MYBL2: variants seen among roughly 807,000 people sequenced by gnomAD.
The protein encoded by MYBL2 is MYB proto-oncogene like 2, also known as myb-related protein B.
A neutral mutation model predicts 79.9 loss-of-function variants in MYBL2; 28 were observed. That is an observed-to-expected ratio of 0.35 (90% CI 0.26 to 0.48). The LOEUF (loss-of-function observed/expected upper bound fraction) is 0.48, where lower values mean the gene tolerates loss of function less well. Among genes scored for constraint, MYBL2 ranks in the 20% least tolerant of loss-of-function variants. The pLI is 0.99. For synonymous variants in MYBL2, 378 were observed against 361.2 expected, an observed-to-expected ratio of 1.05 and a Z score of -0.53; for missense variants, 735 against 893.9, an observed-to-expected ratio of 0.82 and a Z score of 2.27.
intron 4 of MYBL2, among the ~76,000 whole-genome samples, chr20:43,684,070 A>G (rs930214292): frequency 2.6e-5 from 4 of 151,864 alleles, no homozygotes; most frequent in Non-Finnish European, 5.9e-5. Flanking sequence ...CTGGTGCCAC[A>G]TGTGCCACCA....
intron 1 of MYBL2, among the ~76,000 whole-genome samples, chr20:43,670,960 CTTTTTTT>C (rs766959084): frequency 7.6e-5 from 11 of 144,576 alleles, no homozygotes; most frequent in African/African-American, 2.1e-4. Context: ...CCTATGATTT[CTTTTTTT>C]TCTTTTTTTT....
rs747787753 is a variant in MYBL2, at chr20:43,711,612, T to TA, written c.1719+12dup. Reference sequence around the variant, plus strand: ...AAGAGGAAGCCTGGGGTGAGTAGGGTAGGGGTGGGAGAGCCTGGGCAGGGG... The same window carrying TA: ...AAGAGGAAGCCTGGGGTGAGTAGGGTAAGGGGTGGGAGAGCCTGGGCAGGGG... On this transcript the variant is annotated intron_variant, in intron 11 of 13. Transcript: ENST00000217026. 22 of 1,601,906 alleles carry TA rather than the reference T, an allele frequency of 1.4e-5. No homozygotes were observed. Among genetic ancestry groups the TA allele is most frequent in the South Asian group, 1.1e-4 (10 of 89,560 alleles).
rs141053115 is a variant in MYBL2, at chr20:43,687,046, C to T, written c.474C>T (p.Ala158=). Residue 158 remains alanine (A), a synonymous_variant, in exon 5 of 14, where the codon GCC becomes GCT. Transcript: ENST00000217026. The stretch of plus-strand genomic sequence containing the variant: ...ACAAGGTGCTGGGCAACCGCTGGGC[C>T]GAGATCGCCAAGATGTTGCCAGGGA... ...EAHKVLGNRW[A]EIAKMLPGRT... is the part of the protein sequence containing the mutation. The T allele has an allele frequency of 2.7e-4, 434 of 1,613,230 alleles. No homozygotes were observed. Among genetic ancestry groups the T allele is most frequent in the Middle Eastern group, 3.7e-4 (2 of 5,398 alleles).
At chr20:43,707,687 G>A (rs1466113050) in intron 9 of MYBL2, among the ~76,000 whole-genome samples, 1 of 152,066 alleles carries the variant, frequency 6.6e-6, no homozygotes, top group East Asian at 1.9e-4. Flanking sequence ...TAATCCAGCT[G>A]TTATTCCTTT....
intron 12 of MYBL2, among the ~76,000 whole-genome samples, chr20:43,714,697 G>A (rs572155506): frequency 2.6e-5 from 4 of 151,812 alleles, no homozygotes; most frequent in Non-Finnish European, 5.9e-5. Flanking sequence ...GTGCAATCTC[G>A]GCTCACTGCA....
At chr20:43,702,092 A>C (rs889541713) in intron 7 of MYBL2, among the ~76,000 whole-genome samples, 6 of 152,196 alleles carry the variant, frequency 3.9e-5, no homozygotes, top group East Asian at 1.9e-4. Context: ...GCACCACTGC[A>C]CTACAGCCTG....
intron 2 of MYBL2, among the ~76,000 whole-genome samples, chr20:43,676,352 T>C (rs1255615032): frequency 6.6e-6 from 1 of 151,858 alleles, no homozygotes; most frequent in African/African-American, 2.4e-5. Context: ...CTCTTACTTA[T>C]AGATGAGAAT....
chr20:43,705,268 C>T lies in MYBL2; in HGVS notation c.1415C>T (p.Ser472Leu). The T allele has an allele frequency of 2.5e-6, 4 of 1,614,066 alleles. No individual in the cohort carries two copies. Among genetic ancestry groups the T allele is most frequent in the Non-Finnish European group, 2.5e-6 (3 of 1,179,984 alleles). Residue 472 changes from serine to leucine, a missense_variant, in exon 9 of 14, where the codon TCG (serine) becomes TTG (leucine). Physicochemically the swap from Ser to Leu is moderately radical, Grantham distance 145. Coordinates refer to ENST00000217026, the MANE Select transcript of MYBL2 (RefSeq NM_002466.4). ...KQDTLELESPSLTSTPVCSQK... is the reference protein window; with the variant it reads ...KQDTLELESPLLTSTPVCSQK... ...GACACATTGGAGCTGGAGAGCCCCT[C>T]GCTGACATCCACCCCAGTGTGCAGC...
At chr20:43,711,201 C>G (rs1025480343) in intron 10 of MYBL2, among the ~76,000 whole-genome samples, 2 of 152,210 alleles carry the variant, frequency 1.3e-5, no homozygotes, top group African/African-American at 4.8e-5. Flanking sequence ...GCTTCTGTTT[C>G]TACCTGCTTA....
Position 43,707,039 on chromosome 20 carries a change from GC to G in MYBL2, c.1505+1682del, listed in dbSNP as rs1987804874. 3.3e-5 allele frequency among the ~76,000 whole-genome samples: 5 copies of G among 151,754 alleles called. 1 individual carries two copies. Among genetic ancestry groups the G allele is most frequent in the African/African-American group, 1.2e-4 (5 of 41,418 alleles). On this transcript the variant is annotated intron_variant, in intron 9 of 13. Transcript: ENST00000217026. The stretch of plus-strand genomic sequence containing the variant: ...AAAAAAAATTTTTTTAATTAGCTGG[GC>G]GTGGCCGTGTGTGCCTGTAGTCCCA...
chr20:43,695,247 G>A (rs994632090), intron 6 of MYBL2, among the ~76,000 whole-genome samples: 1 of 151,936 alleles, frequency 6.6e-6, no homozygotes, highest in Non-Finnish European at 1.5e-5. Context: ...TGCCATTTTG[G>A]CCAGGCTGGT....
chr20:43,708,416 A>G (rs1987836390), intron 9 of MYBL2, among the ~76,000 whole-genome samples: 1 of 152,012 alleles, frequency 6.6e-6, no homozygotes. Flanking sequence ...TGAGTTTTCT[A>G]ATGTGTGTAT....
chr20:43,674,188 C>CT (rs1352377535), intron 2 of MYBL2, among the ~76,000 whole-genome samples: 1 of 137,986 alleles, frequency 7.2e-6, no homozygotes, highest in Non-Finnish European at 1.5e-5. Flanking sequence ...TGCTTTTTGC[C>CT]TTTTGACTGC....
intron 11 of MYBL2, among the ~76,000 whole-genome samples, chr20:43,711,918 G>A (rs1234387091): frequency 1.3e-5 from 2 of 152,182 alleles, no homozygotes; most frequent in Non-Finnish European, 2.9e-5. Flanking sequence ...TCCCCTTAGT[G>A]TTCAGGGGGC....
intron 7 of MYBL2, among the ~76,000 whole-genome samples, chr20:43,700,326 A>G (rs1987652535): frequency 6.6e-6 from 1 of 152,172 alleles, no homozygotes. Flanking sequence ...AGGAGGTGGC[A>G]CTGAACTGAG....
At position 43,715,236 on chromosome 20, in the gene MYBL2, G is replaced by T. The variant is rs746996946; in HGVS notation, c.1927G>T (p.Ala643Ser). 8 of 1,614,132 alleles carry T rather than the reference G, an allele frequency of 5.0e-6. No homozygotes were observed. In the African/African-American group the frequency reaches 1.1e-4, roughly 22 times the overall value. The change falls in exon 13 of 14, where the codon GCA becomes TCA. Residue 643 changes from alanine (A) to serine (S), a missense_variant. By Grantham distance (99) the Ala-to-Ser change is moderately conservative (BLOSUM62 1). Transcript: ENST00000217026. ...CTTCTTGCAGGCCAAGCCCGAGAAGGCAGCAGTGGCCCAGAAGCCCCGAAG... is the reference window on the plus strand; with the variant it reads ...CTTCTTGCAGGCCAAGCCCGAGAAGTCAGCAGTGGCCCAGAAGCCCCGAAG... ...QGFLQAKPEKAAVAQKPRSHF... is the reference protein window; with the variant it reads ...QGFLQAKPEKSAVAQKPRSHF...
chr20:43,681,926 T>G, intron 3 of MYBL2, 71 bp downstream of exon 3: 1 of 1,541,242 alleles, frequency 6.5e-7, no homozygotes. Flanking sequence ...TGGGACAGAC[T>G]TTGCCAAGGA....
Position 43,704,534 on chromosome 20 carries a change from C to A in MYBL2, c.1366-685C>A, listed in dbSNP as rs781661430. On this transcript the variant is annotated intron_variant, in intron 8 of 13. Coordinates refer to ENST00000217026, the MANE Select transcript of MYBL2 (RefSeq NM_002466.4). ...GAGCGTGGTCGCTCTACTCCAGAGA[C>A]CCCATTTAGGGTGGTGACCCTGAGG... Among the ~76,000 whole-genome samples the A allele has an allele frequency of 6.6e-5, 10 of 152,132 alleles. No homozygotes were observed. The South Asian group carries it at 8.3e-4, about 13-fold the overall frequency.
At chr20:43,676,336 G>A (rs901169051) in intron 2 of MYBL2, among the ~76,000 whole-genome samples, 1 of 150,172 alleles carries the variant, frequency 6.7e-6, no homozygotes, top group South Asian at 2.1e-4. Flanking sequence ...TGTATTCAGT[G>A]TTTGGCTCTT....
Sources: allele counts gnomAD v4.1 joint callset (sites outside exome capture counted in the v4.1 genomes callset), GRCh38; gene constraint gnomAD v4.1.1; transcripts MANE v1.5; gene names NCBI Gene and HGNC (gene_info 2026-07-23, HGNC 2026-07-21).